Variants in LHFPL6 observed in about 807,000 individuals in gnomAD.
The protein encoded by LHFPL6 is LHFPL tetraspan subfamily member 6 protein.
Under a neutral mutation model 20.6 loss-of-function variants are expected in LHFPL6, and 9 were observed. That is an observed-to-expected ratio of 0.44 (90% confidence interval 0.26 to 0.76). The LOEUF (loss-of-function observed/expected upper bound fraction) is 0.76, where lower values mean the gene tolerates loss of function less well. LHFPL6 is among the 30% of genes least tolerant of loss of function. LHFPL6 has a pLI of 0.20. For missense variants in LHFPL6, 218 were observed against 253.5 expected, an observed-to-expected ratio of 0.86 and a Z score of 0.95; for synonymous variants, 105 against 98.7, an observed-to-expected ratio of 1.06 and a Z score of -0.38.
chr13:39,513,703 TTACAGTTGGGAAGC>T (rs1869804154), intron 2 of LHFPL6, among the ~76,000 whole-genome samples: 1 of 152,200 alleles, frequency 6.6e-6, no homozygotes, highest in South Asian at 2.1e-4. Context: ...TATTTCCTTT[TTACAGTTGGGAAGC>T]TACACTTCAG....
chr13:39,431,409 A>G (rs1258843152), intron 2 of LHFPL6, among the ~76,000 whole-genome samples: 2 of 152,300 alleles, frequency 1.3e-5, no homozygotes, highest in East Asian at 3.9e-4. Context: ...TCTTGAAGTC[A>G]GCGAGACCAA....
intron 2 of LHFPL6, among the ~76,000 whole-genome samples, chr13:39,467,705 G>C (rs2138434147): frequency 6.6e-6 from 1 of 152,190 alleles, no homozygotes; most frequent in South Asian, 2.1e-4. Context: ...CACACCTAGG[G>C]CCCAGGTGAA....
rs553457344 is a variant in LHFPL6 at position 39,576,586 on chromosome 13, C to T, written c.385+24246G>A. 3.3e-5 allele frequency among the ~76,000 whole-genome samples: 5 copies of T among 152,258 alleles called. No individual in the cohort carries two copies. The South Asian group carries it at 6.2e-4, about 19-fold the overall frequency. On this transcript the variant is annotated intron_variant, in intron 2 of 3. Transcript: ENST00000379589. ...AAGAGTGGCTTCATGATTTCTGACC[C>T]GTGCAGCTCCAGAGGGTCACACTTG...
chr13:39,546,415 A>G (rs1223835758), intron 2 of LHFPL6, among the ~76,000 whole-genome samples: 1 of 152,188 alleles, frequency 6.6e-6, no homozygotes, highest in African/African-American at 2.4e-5. Context: ...ACACTCTAGC[A>G]GATTCCGATA....
At chr13:39,367,554 T>C (rs1489180709) in intron 3 of LHFPL6, among the ~76,000 whole-genome samples, 1 of 152,230 alleles carries the variant, frequency 6.6e-6, no homozygotes, top group East Asian at 1.9e-4. Flanking sequence ...TCTAGCTTTC[T>C]GGAGGAATTT....
intron 2 of LHFPL6, among the ~76,000 whole-genome samples, chr13:39,440,605 T>C (rs1296168096): frequency 6.6e-6 from 1 of 152,214 alleles, no homozygotes; most frequent in African/African-American, 2.4e-5. Context: ...TTTGTTGTTA[T>C]TGCTGTCATT....
At chr13:39,419,202 G>A (rs987271068) in intron 2 of LHFPL6, among the ~76,000 whole-genome samples, 3 of 152,122 alleles carry the variant, frequency 2.0e-5, no homozygotes, top group African/African-American at 7.2e-5. Flanking sequence ...TCTTGCTTAT[G>A]AAAGAGAACA....
chr13:39,580,826 G>A lies in LHFPL6; in HGVS notation c.385+20006C>T, dbSNP rs542856543. Among the ~76,000 whole-genome samples, 3 of 152,272 alleles carry A rather than the reference G, an allele frequency of 2.0e-5. No homozygotes were observed. The East Asian group carries it at 5.8e-4, about 29-fold the overall frequency. ...ACCTGAGGCCAAGAGTCTGTAACTT[G>A]TCCAGAACCAGGAAACTGATGAACA... On this transcript the variant is annotated intron_variant, in intron 2 of 3. Coordinates refer to ENST00000379589, the MANE Select transcript of LHFPL6 (RefSeq NM_005780.3).
intron 2 of LHFPL6, among the ~76,000 whole-genome samples, chr13:39,465,478 A>T (rs1375821020): frequency 6.6e-6 from 1 of 152,138 alleles, no homozygotes; most frequent in Non-Finnish European, 1.5e-5. Flanking sequence ...TGACTATTCA[A>T]TTAATGAAAT....
At chr13:39,567,679 C>G (rs932891252) in intron 2 of LHFPL6, among the ~76,000 whole-genome samples, 1 of 152,200 alleles carries the variant, frequency 6.6e-6, no homozygotes. Context: ...AGCTCTGTGG[C>G]CAAACAAAAA....
chr13:39,505,419 G>A (rs1869442207), intron 2 of LHFPL6, among the ~76,000 whole-genome samples: 1 of 151,914 alleles, frequency 6.6e-6, no homozygotes, highest in Non-Finnish European at 1.5e-5. Flanking sequence ...GAGGTTGAGT[G>A]ACAAACTACT....
chr13:39,390,563 T>TGA (rs1870681661), intron 2 of LHFPL6, among the ~76,000 whole-genome samples: 1 of 152,026 alleles, frequency 6.6e-6, no homozygotes, highest in Non-Finnish European at 1.5e-5. Flanking sequence ...GGGAAGCAGG[T>TGA]GAGAGACGAA....
At chr13:39,533,172 A>C (rs1870516465) in intron 2 of LHFPL6, among the ~76,000 whole-genome samples, 2 of 152,222 alleles carry the variant, frequency 1.3e-5, no homozygotes, top group Non-Finnish European at 2.9e-5. Flanking sequence ...AAGATAGTTA[A>C]AACATGTGGG....
chr13:39,361,305 T>G (rs111375073), intron 3 of LHFPL6, among the ~76,000 whole-genome samples: 1 of 56,306 alleles, frequency 1.8e-5, no homozygotes, highest in African/African-American at 4.8e-5. Flanking sequence ...TCTGAAGAAT[T>G]TTTTTTAATT....
At chr13:39,569,156 C>CGGACGGACGGACGGATGGAT (rs754156552) in intron 2 of LHFPL6, among the ~76,000 whole-genome samples, 2 of 97,286 alleles carry the variant, frequency 2.1e-5, no homozygotes, top group African/African-American at 8.0e-5. Flanking sequence ...GATGGACGGA[C>CGGACGGACGGACGGATGGAT]GGATGGATGG....
intron 2 of LHFPL6, among the ~76,000 whole-genome samples, chr13:39,496,177 A>C (rs1405225317): frequency 6.6e-6 from 1 of 152,132 alleles, no homozygotes; most frequent in African/African-American, 2.4e-5. Flanking sequence ...AAACAACAGA[A>C]ATTTATTTAG....
intron 1 of LHFPL6, among the ~76,000 whole-genome samples, chr13:39,602,037 T>A (rs1872968133): frequency 6.6e-6 from 1 of 152,212 alleles, no homozygotes; most frequent in South Asian, 2.1e-4. Flanking sequence ...TGACTTATTT[T>A]GAGTCTGCAG....
chr13:39,441,742 G>A (rs1872140064), intron 2 of LHFPL6, among the ~76,000 whole-genome samples: 1 of 151,798 alleles, frequency 6.6e-6, no homozygotes, highest in Non-Finnish European at 1.5e-5. Flanking sequence ...TGAACTCCTG[G>A]GCTCAAGCAA....
intron 2 of LHFPL6, among the ~76,000 whole-genome samples, chr13:39,517,039 C>A (rs1869946176): frequency 6.6e-6 from 1 of 152,160 alleles, no homozygotes. Flanking sequence ...CTGATCTCCC[C>A]ACATGACCCA....
Sources: gnomAD v4.1 joint callset for allele counts (sites outside exome capture counted in the v4.1 genomes callset) on GRCh38, gnomAD v4.1.1 for gene constraint, MANE v1.5 for transcripts, NCBI Gene and HGNC (gene_info 2026-07-23, HGNC 2026-07-21) for gene names.